The following ZMYM2 variants were observed in gnomAD, a reference collection of about 807,000 sequenced individuals.
The protein encoded by ZMYM2 is zinc finger MYM-type containing 2.
In ZMYM2, 56 loss-of-function variants were observed where a neutral mutation model predicts 162.8. That is an observed-to-expected ratio of 0.34 (90% CI 0.28 to 0.43). The LOEUF (loss-of-function observed/expected upper bound fraction) is 0.43. ZMYM2 is among the 20% of genes least tolerant of loss of function. The probability of loss-of-function intolerance (pLI) is 1.00; values close to 1 mark genes in which losing one functional copy is unlikely to be tolerated. For synonymous variants in ZMYM2, 510 were observed against 541.6 expected, an observed-to-expected ratio of 0.94 and a Z score of 0.81; for missense variants, 1,275 against 1,621.8, an observed-to-expected ratio of 0.79 and a Z score of 3.67.
chr13:20,049,734 G>GC (rs1955143074), intron 12 of ZMYM2, among the ~76,000 whole-genome samples: 1 of 152,002 alleles, frequency 6.6e-6, no homozygotes, highest in African/African-American at 2.4e-5. Context: ...TACCCATTTT[G>GC]CAGGGCTGTT....
chr13:20,010,877 A>C (rs1951117228), intron 6 of ZMYM2, among the ~76,000 whole-genome samples: 2 of 151,978 alleles, frequency 1.3e-5, no homozygotes, highest in Admixed American at 6.6e-5. Context: ...CTGACATCGT[A>C]ATCTGCCCGC....
At chr13:20,044,575 A>G (rs993667999) in intron 12 of ZMYM2, among the ~76,000 whole-genome samples, 5 of 152,082 alleles carry the variant, frequency 3.3e-5, no homozygotes, top group South Asian at 2.1e-4. Context: ...CCCAACATCT[A>G]CTTTTATAAA....
At chr13:19,864,029 G>C in the ZMYM2 span, 2 of 152,172 alleles carry the variant, frequency 1.3e-5, no homozygotes, top group African/African-American at 4.8e-5. Flanking sequence ...CGGCGGGGCT[G>C]CCTGCCCTCG....
At chr13:20,015,912 A>G (rs1951585473) in intron 6 of ZMYM2, among the ~76,000 whole-genome samples, 1 of 152,098 alleles carries the variant, frequency 6.6e-6, no homozygotes, top group Admixed American at 6.5e-5. Flanking sequence ...CATTAAATGT[A>G]CATGGATCAA....
the ZMYM2 span, among the ~76,000 whole-genome samples, chr13:19,880,141 C>T: frequency 6.6e-6 from 1 of 152,102 alleles, no homozygotes; most frequent in Non-Finnish European, 1.5e-5. Flanking sequence ...TCCTAGTTCC[C>T]CAGCTTTCAG....
At chr13:19,945,072 A>G in the ZMYM2 span, among the ~76,000 whole-genome samples, 1 of 152,348 alleles carries the variant, frequency 6.6e-6, no homozygotes, top group African/African-American at 2.4e-5. Flanking sequence ...AGACTATTAT[A>G]AAGAACTACC....
the ZMYM2 span, among the ~76,000 whole-genome samples, chr13:19,951,361 A>C: frequency 6.6e-6 from 1 of 152,042 alleles, no homozygotes; most frequent in Non-Finnish European, 1.5e-5. Context: ...TAGGAACTCA[A>C]ATAACTCAAT....
chr13:19,901,628 C>T, the ZMYM2 span, among the ~76,000 whole-genome samples: 5 of 152,030 alleles, frequency 3.3e-5, no homozygotes, highest in African/African-American at 7.2e-5. Flanking sequence ...GGATTACAGG[C>T]GTGGTGCCTG....
the ZMYM2 span, among the ~76,000 whole-genome samples, chr13:19,917,116 C>T: frequency 2.9e-4 from 44 of 152,182 alleles, 1 homozygote; most frequent in Admixed American, 1.3e-3. Context: ...GCGCCCGCCA[C>T]GACGCCCGGC....
At chr13:19,916,257 G>C in the ZMYM2 span, among the ~76,000 whole-genome samples, 2 of 152,162 alleles carry the variant, frequency 1.3e-5, no homozygotes, top group Non-Finnish European at 2.9e-5. Flanking sequence ...CTTTTACACT[G>C]TTGGTGGGAG....
intron 14 of ZMYM2, 27 bp from the exon 15 acceptor site, chr13:20,058,548 A>G (rs755371505): frequency 6.3e-7 from 1 of 1,599,722 alleles, no homozygotes. Flanking sequence ...CATAAAAATA[A>G]AAATGTTTCT....
At chr13:19,905,168 C>T in the ZMYM2 span, among the ~76,000 whole-genome samples, 2 of 151,992 alleles carry the variant, frequency 1.3e-5, no homozygotes, top group African/African-American at 4.8e-5. Context: ...TGCACCACCA[C>T]GCTCCAGTTA....
chr13:19,987,421 G>A (rs1325847585), intron 2 of ZMYM2, among the ~76,000 whole-genome samples: 2 of 151,730 alleles, frequency 1.3e-5, no homozygotes, highest in Admixed American at 6.6e-5. Flanking sequence ...CTGTCACCAC[G>A]CCTGGCTAAT....
intron 15 of ZMYM2, 100 bp from the exon 16 acceptor site, chr13:20,059,347 T>G: frequency 7.8e-7 from 1 of 1,285,900 alleles, no homozygotes; most frequent in Non-Finnish European, 1.1e-6. Context: ...AAAAAGGTAC[T>G]GAGGTAGTTA....
At chr13:19,884,416 C>T in the ZMYM2 span, among the ~76,000 whole-genome samples, 1 of 151,974 alleles carries the variant, frequency 6.6e-6, no homozygotes, top group East Asian at 1.9e-4. Context: ...CTATGACTAA[C>T]GATACAAAAA....
rs535827099 is a variant in ZMYM2, at chr13:20,012,063, T to A, written c.1512+5477T>A. ...CAGCGCCTGGGCTAATACTTGTATT[T>A]TTAGTAGAGATGGGGTTCCACCATG... is the stretch of plus-strand genomic sequence containing the variant. On this transcript the variant is annotated intron_variant, in intron 6 of 24. Coordinates refer to ENST00000610343, the MANE Select transcript of ZMYM2 (RefSeq NM_197968.4). 4.0e-4 allele frequency among the ~76,000 whole-genome samples: 61 copies of A among 152,194 alleles called. 1 individual carries two copies. The highest frequency in any genetic ancestry group is 3.1e-3 in the Admixed American group (47 of 15,274).
In ZMYM2 at chr13:19,967,349, A is replaced by G. The variant is rs150969227; in HGVS notation, c.-11+7323A>G. Among the ~76,000 whole-genome samples, 473 of 152,292 alleles carry G rather than the reference A, an allele frequency of 3.1e-3. 5 individuals carry two copies. The highest frequency in any genetic ancestry group is 0.011 in the African/African-American group (451 of 41,552). ...ATGGAAAGGGAACTAGTGAGTACTA[A>G]GAGAAGATTGGAAGGGTAACGACTT... On this transcript the variant is annotated intron_variant, in intron 2 of 24. Transcript: ENST00000610343.
chr13:19,894,549 T>G, the ZMYM2 span, among the ~76,000 whole-genome samples: 1 of 151,952 alleles, frequency 6.6e-6, no homozygotes, highest in African/African-American at 2.4e-5. Context: ...TTCACCATGT[T>G]AGTCAGGCTG....
chr13:19,903,840 C>T, the ZMYM2 span, among the ~76,000 whole-genome samples: 2 of 149,690 alleles, frequency 1.3e-5, no homozygotes, highest in African/African-American at 2.5e-5. Context: ...GAGTGAGACC[C>T]TGTCTCAAAA....
Sources: gnomAD v4.1 joint callset for allele counts (sites outside exome capture counted in the v4.1 genomes callset) on GRCh38, gnomAD v4.1.1 for gene constraint, MANE v1.5 for transcripts, NCBI Gene and HGNC (gene_info 2026-07-23, HGNC 2026-07-21) for gene names.